The following INPP4A variants were observed in gnomAD, a reference collection of about 807,000 sequenced individuals.
INPP4A encodes inositol polyphosphate-4-phosphatase, type I, 107kD.
Under a neutral mutation model 119.8 loss-of-function variants are expected in INPP4A, and 33 were observed. The ratio of observed to expected loss-of-function variants is 0.28; its 90% CI spans 0.21 to 0.37. INPP4A has a LOEUF of 0.37. Ranked by LOEUF, INPP4A falls within the 10% of genes least tolerant of loss-of-function variation. The pLI is 1.00. For missense variants in INPP4A, 956 were observed against 1,289.9 expected (o/e 0.74, Z 3.97); for synonymous variants, 496 against 500.7 (o/e 0.99, Z 0.12).
Position 98,565,915 on chromosome 2 carries a change from G to T in INPP4A, c.2280-114G>T, listed in dbSNP as rs1575112379. 2.0e-6 allele frequency: 3 copies of T among 1,497,600 alleles called. No homozygotes were observed. The East Asian group carries it at 7.0e-5, about 35-fold the overall frequency. 92.8% of individuals were successfully genotyped at this position (1,497,600 alleles called of 1,614,324 possible). On this transcript the variant is annotated intron_variant, in intron 20 of 24. Transcript: ENST00000409851. ...CCTAGGTTAGTGCCACTCCCTTAAA[G>T]GTCTGTGGTTGGCAGTTTGGCCATC... is the stretch of plus-strand genomic sequence containing the variant.
At chr2:98,452,563 A>T (rs1035602434) in intron 1 of INPP4A, among the ~76,000 whole-genome samples, 1 of 152,114 alleles carries the variant, frequency 6.6e-6, no homozygotes, top group Non-Finnish European at 1.5e-5. Flanking sequence ...GGAAGAGAGG[A>T]TGGTGGGTGG....
At chr2:98,565,033 A>C (rs985429688) in intron 19 of INPP4A, among the ~76,000 whole-genome samples, 2 of 152,248 alleles carry the variant, frequency 1.3e-5, no homozygotes, top group African/African-American at 4.8e-5. Flanking sequence ...CAGCAGTGAC[A>C]TCTGTGCATG....
intron 16 of INPP4A, among the ~76,000 whole-genome samples, chr2:98,557,218 A>G (rs1056371958): frequency 2.6e-5 from 4 of 152,204 alleles, no homozygotes; most frequent in Admixed American, 6.5e-5. Context: ...GAGCATTTAT[A>G]TATGCTATTT....
At chr2:98,517,685 A>T (rs1017453695) in intron 1 of INPP4A, among the ~76,000 whole-genome samples, 4 of 152,254 alleles carry the variant, frequency 2.6e-5, no homozygotes, top group Non-Finnish European at 5.9e-5. Context: ...GATGTTCCAG[A>T]ACATTCTTTT....
At chr2:98,449,970 GT>G (rs1204649654) in intron 1 of INPP4A, among the ~76,000 whole-genome samples, 2 of 151,996 alleles carry the variant, frequency 1.3e-5, no homozygotes, top group Non-Finnish European at 2.9e-5. Flanking sequence ...TGAATTACCT[GT>G]TTATATCCTT....
intron 1 of INPP4A, among the ~76,000 whole-genome samples, chr2:98,467,878 T>C (rs189252437): frequency 2.0e-5 from 3 of 152,252 alleles, no homozygotes; most frequent in Non-Finnish European, 4.4e-5. Context: ...ATTAACTGTC[T>C]AATAGTTATT....
intron 10 of INPP4A, among the ~76,000 whole-genome samples, chr2:98,540,047 T>C (rs1691120718): frequency 6.6e-6 from 1 of 152,194 alleles, no homozygotes; most frequent in African/African-American, 2.4e-5. Context: ...TTCTCCTGCC[T>C]CAGCCTCTGA....
intron 1 of INPP4A, among the ~76,000 whole-genome samples, chr2:98,459,449 C>T (rs948835517): frequency 5.3e-5 from 8 of 152,140 alleles, no homozygotes; most frequent in South Asian, 2.1e-4. Context: ...CACCTGTGTC[C>T]GTGTTTGGGA....
rs377311257 is a variant in INPP4A, at chr2:98,519,036, TG to T, written c.-104+13del. 6 of 152,370 alleles carry T rather than the reference TG, an allele frequency of 3.9e-5. No individual in the cohort carries two copies. Among genetic ancestry groups the T allele is most frequent in the African/African-American group, 1.4e-4 (6 of 41,594 alleles). The allele number at this position is 152,370 out of a possible 1,614,324, so 9.4% of individuals were successfully genotyped here. ...GAGCAAACATGTCCAGTAAGTTGTT[TG>T]GTGAATTAACCCAAGGACAGGAGCC... On this transcript the variant is annotated intron_variant, in intron 2 of 24. Coordinates refer to ENST00000409851, the MANE Select transcript of INPP4A (RefSeq NM_001134225.2).
chr2:98,457,998 TTG>T (rs1558868048), intron 1 of INPP4A, among the ~76,000 whole-genome samples: 135 of 150,344 alleles, frequency 9.0e-4, no homozygotes, highest in African/African-American at 2.9e-3. Context: ...TTTTTTTTTT[TTG>T]TTTAAATGAG....
Position 98,554,333 on chromosome 2 carries a change from C to A in INPP4A, c.1410C>A (p.Asn470Lys), listed in dbSNP as rs370981535. Residue 470 changes from asparagine (N) to lysine (K), a missense_variant, in exon 15 of 25, where the codon AAC becomes AAA. Physicochemically the swap from Asn to Lys is moderately conservative, Grantham distance 94. Around this residue, in one of 2 missense-constraint regions of INPP4A, gnomAD observed 652 missense variants for 797.9 expected, o/e 0.82. Coordinates refer to ENST00000409851, the MANE Select transcript of INPP4A (RefSeq NM_001134225.2). The surrounding 1 kb of genome is among the most constrained non-coding windows in gnomAD (Gnocchi z 4.7). ...TGGCCAACTCCATCCATGGGCTGAA[C>A]GCTGCACGGCCTGACTACATTGCCT... is the stretch of plus-strand genomic sequence containing the variant. The part of the protein sequence containing the change: ...KLLANSIHGL[N>K]AARPDYIASK... 1 of 1,613,026 alleles carries A rather than the reference C, an allele frequency of 6.2e-7. No individual in the cohort carries two copies. The highest frequency in any genetic ancestry group is 8.5e-7 in the Non-Finnish European group (1 of 1,179,586).
chr2:98,492,199 C>G (rs1680951036), intron 1 of INPP4A, among the ~76,000 whole-genome samples: 1 of 152,078 alleles, frequency 6.6e-6, no homozygotes, highest in Non-Finnish European at 1.5e-5. Flanking sequence ...TTTTTTACTT[C>G]TGATGTTTTG....
intron 10 of INPP4A, among the ~76,000 whole-genome samples, chr2:98,540,371 C>T (rs1459530887): frequency 6.6e-6 from 1 of 152,232 alleles, no homozygotes; most frequent in Non-Finnish European, 1.5e-5. Context: ...TGAGTATAAC[C>T]TGTCAGCTCA....
At chr2:98,501,333 C>CAA (rs113596202) in intron 1 of INPP4A, among the ~76,000 whole-genome samples, 1 of 147,942 alleles carries the variant, frequency 6.8e-6, no homozygotes, top group Non-Finnish European at 1.5e-5. Context: ...GACTTTGTCT[C>CAA]AAAAAAAAAA....
chr2:98,472,667 T>C (rs1366164637), intron 1 of INPP4A, among the ~76,000 whole-genome samples: 1 of 152,222 alleles, frequency 6.6e-6, no homozygotes, highest in Non-Finnish European at 1.5e-5. Context: ...ACTGAGGGTC[T>C]GTGGTGGGTC....
Position 98,593,940 on chromosome 2 carries a change from C to G in INPP4A, c.*6332C>G, listed in dbSNP as rs1362216750. On this transcript the variant is annotated 3_prime_UTR_variant, in exon 25 of 25. Coordinates refer to ENST00000409851, the MANE Select transcript of INPP4A (RefSeq NM_001134225.2). ...CCTTTCAAAAAAACTTCCTCTCCTT[C>G]ATTGTTGACTATGAAGATTCTTTCA... The G allele has an allele frequency of 6.6e-6, 1 of 152,272 alleles. No individual in the cohort carries two copies. The highest frequency in any genetic ancestry group is 1.5e-5 in the Non-Finnish European group (1 of 68,080). 9.4% of individuals were successfully genotyped at this position (152,272 alleles called of 1,614,324 possible).
intron 1 of INPP4A, among the ~76,000 whole-genome samples, chr2:98,446,243 C>G (rs1252823477): frequency 3.3e-5 from 5 of 152,172 alleles, no homozygotes; most frequent in Non-Finnish European, 7.3e-5. Flanking sequence ...TATAGGTTGT[C>G]CTAGAATTGA....
chr2:98,509,335 A>G (rs1684687651), intron 1 of INPP4A, among the ~76,000 whole-genome samples: 2 of 152,216 alleles, frequency 1.3e-5, no homozygotes, highest in Admixed American at 6.5e-5. Context: ...CAGCGGTGGC[A>G]TTAGATTCTC....
intron 24 of INPP4A, among the ~76,000 whole-genome samples, chr2:98,585,262 G>A (rs1156585560): frequency 6.6e-6 from 1 of 152,180 alleles, no homozygotes; most frequent in Non-Finnish European, 1.5e-5. Context: ...ACTGATGCCT[G>A]CAGATGAGTT....
Sources: allele counts gnomAD v4.1 joint callset (sites outside exome capture counted in the v4.1 genomes callset), GRCh38; gene constraint gnomAD v4.1.1; regional missense constraint gnomAD v4.1.1; non-coding constraint Gnocchi (gnomAD v3.1); transcripts MANE v1.5; gene names NCBI Gene and HGNC (gene_info 2026-07-23, HGNC 2026-07-21).